The following AUTS2 variants were observed in gnomAD, a reference collection of about 807,000 sequenced individuals.
AUTS2 encodes the protein autism susceptibility gene 2 protein.
A neutral mutation model predicts 112.4 loss-of-function variants in AUTS2; 17 were observed. The observed-to-expected ratio is 0.15, with a 90% CI of 0.10 to 0.23. AUTS2 has a LOEUF of 0.23. AUTS2 is among the 10% of genes least tolerant of loss of function. The pLI is 1.00. For synonymous variants in AUTS2, 751 were observed against 702.7 expected (o/e 1.07, Z -1.09); for missense variants, 1,510 against 1,701.6 (o/e 0.89, Z 1.98).
chr7:70,374,375 A>AT (rs1192080741), intron 4 of AUTS2, among the ~76,000 whole-genome samples: 2 of 152,088 alleles, frequency 1.3e-5, no homozygotes, highest in African/African-American at 2.4e-5. Flanking sequence ...AATGGAGGCT[A>AT]TTTTTTCTTT....
chr7:69,606,008 G>A (rs565580998), intron 1 of AUTS2, among the ~76,000 whole-genome samples: 1 of 152,288 alleles, frequency 6.6e-6, no homozygotes, highest in South Asian at 2.1e-4. Flanking sequence ...ATGATTCCAT[G>A]CAGCTTTTGT....
intron 4 of AUTS2, among the ~76,000 whole-genome samples, chr7:70,224,941 A>G (rs1168286657): frequency 6.6e-6 from 1 of 152,206 alleles, no homozygotes; most frequent in Non-Finnish European, 1.5e-5. Flanking sequence ...AGGCTATACC[A>G]TTTAGGTTTG....
At chr7:70,103,358 C>T (rs1185452073) in intron 2 of AUTS2, among the ~76,000 whole-genome samples, 3 of 152,226 alleles carry the variant, frequency 2.0e-5, no homozygotes, top group East Asian at 3.9e-4. Flanking sequence ...ATTATATCTG[C>T]CTCACAGGTT....
Position 69,804,124 on chromosome 7 carries a change from G to A in AUTS2, c.310-95162G>A, listed in dbSNP as rs535956259. Among the ~76,000 whole-genome samples the A allele has an allele frequency of 1.3e-4, 20 of 152,300 alleles. No homozygotes were observed. The Middle Eastern group carries it at 0.01, about 78-fold the overall frequency. On this transcript the variant is annotated intron_variant, in intron 1 of 18. Coordinates refer to ENST00000342771, the MANE Select transcript of AUTS2 (RefSeq NM_015570.4). ...TTATTTCCCTAAGAAAATGTAGATT[G>A]TGATGTCCCTGGTGAGCAATAAGTT...
chr7:70,470,139 G>T (rs1797323155), intron 5 of AUTS2, among the ~76,000 whole-genome samples: 2 of 152,204 alleles, frequency 1.3e-5, no homozygotes, highest in Non-Finnish European at 2.9e-5. Context: ...AATGGTATTT[G>T]GTATTTACAG....
intron 2 of AUTS2, among the ~76,000 whole-genome samples, chr7:70,066,624 C>A (rs999407436): frequency 6.6e-6 from 1 of 150,938 alleles, no homozygotes; most frequent in Non-Finnish European, 1.5e-5. Context: ...CACTGCACTC[C>A]GTCTCCCGGG....
chr7:69,730,989 T>C (rs977839228), intron 1 of AUTS2, among the ~76,000 whole-genome samples: 1 of 152,138 alleles, frequency 6.6e-6, no homozygotes, highest in African/African-American at 2.4e-5. Flanking sequence ...GCAATATAGA[T>C]AGTGGTTAAA....
chr7:70,681,147 G>A (rs1808184421), intron 5 of AUTS2, among the ~76,000 whole-genome samples: 1 of 152,178 alleles, frequency 6.6e-6, no homozygotes, highest in Non-Finnish European at 1.5e-5. Context: ...ACCACACTTG[G>A]CCAGCACAGG....
chr7:70,292,866 A>G (rs554157293), intron 4 of AUTS2: 2 of 152,312 alleles, frequency 1.3e-5, no homozygotes, highest in East Asian at 3.9e-4. Flanking sequence ...TTCTATTAAC[A>G]GTATAAATAC....
chr7:70,375,924 A>G (rs1432316656), intron 4 of AUTS2, among the ~76,000 whole-genome samples: 2 of 152,108 alleles, frequency 1.3e-5, no homozygotes, highest in Non-Finnish European at 2.9e-5. Context: ...ACCTTAAATC[A>G]TAATATTTTC....
At chr7:69,815,620 T>G (rs1790725466) in intron 1 of AUTS2, among the ~76,000 whole-genome samples, 1 of 152,148 alleles carries the variant, frequency 6.6e-6, no homozygotes, top group South Asian at 2.1e-4. Flanking sequence ...GTTCAAGTGA[T>G]TCTCCTGCCT....
At chr7:69,658,797 T>C (rs1238524871) in intron 1 of AUTS2, among the ~76,000 whole-genome samples, 1 of 152,210 alleles carries the variant, frequency 6.6e-6, no homozygotes, top group African/African-American at 2.4e-5. Flanking sequence ...CCAGGGAAAT[T>C]CATTTAAAAA....
chr7:70,520,512 G>C (rs367672013), intron 5 of AUTS2, among the ~76,000 whole-genome samples: 14 of 152,038 alleles, frequency 9.2e-5, no homozygotes, highest in African/African-American at 3.4e-4. Flanking sequence ...TTTCATCCAG[G>C]TCCCACCTTT....
intron 2 of AUTS2, among the ~76,000 whole-genome samples, chr7:70,065,796 C>G (rs1273275274): frequency 6.6e-6 from 1 of 152,164 alleles, no homozygotes; most frequent in Admixed American, 6.5e-5. Flanking sequence ...GCCTGAAATT[C>G]TTGGTCTCAG....
chr7:70,054,423 G>A (rs550234027), intron 2 of AUTS2, among the ~76,000 whole-genome samples: 4 of 151,776 alleles, frequency 2.6e-5, no homozygotes, highest in African/African-American at 7.3e-5. Context: ...TAGGCTGACC[G>A]TAACCCCATT....
chr7:70,767,559 G>A (rs926624931), intron 9 of AUTS2, among the ~76,000 whole-genome samples: 4 of 152,142 alleles, frequency 2.6e-5, no homozygotes, highest in Non-Finnish European at 5.9e-5. Flanking sequence ...TCCAATGAAA[G>A]GCTGTCTGGC....
intron 4 of AUTS2, among the ~76,000 whole-genome samples, chr7:70,149,461 A>T (rs1007417127): frequency 2.0e-5 from 3 of 152,054 alleles, no homozygotes; most frequent in Non-Finnish European, 2.9e-5. Flanking sequence ...AACCAAATTA[A>T]CTAACTTCTA....
chr7:69,886,977 C>T (rs1794307060), intron 1 of AUTS2, among the ~76,000 whole-genome samples: 1 of 152,184 alleles, frequency 6.6e-6, no homozygotes, highest in Admixed American at 6.5e-5. Context: ...GGGTCTCACT[C>T]TGTTGCCCAG....
At chr7:70,714,637 C>G (rs1474275456) in intron 6 of AUTS2, among the ~76,000 whole-genome samples, 2 of 152,236 alleles carry the variant, frequency 1.3e-5, no homozygotes, top group African/African-American at 4.8e-5. Context: ...CCCATTCTTT[C>G]AAGTCATTGA....
Sources: allele counts gnomAD v4.1 joint callset (sites outside exome capture counted in the v4.1 genomes callset), GRCh38; gene constraint gnomAD v4.1.1; transcripts MANE v1.5; gene names NCBI Gene and HGNC (gene_info 2026-07-23, HGNC 2026-07-21).